Variants in CDH18 observed in about 807,000 individuals in gnomAD.
The protein encoded by CDH18 is cadherin-18.
CDH18 carries 31 observed loss-of-function variants against 67.9 expected under a neutral mutation model. That is an observed-to-expected ratio of 0.46 (90% CI 0.34 to 0.62). The LOEUF is 0.62. Among genes scored for constraint, CDH18 ranks in the 20% least tolerant of loss-of-function variants. The probability of loss-of-function intolerance (pLI) is 0.01; values close to 1 mark genes in which losing one functional copy is unlikely to be tolerated. For synonymous variants in CDH18, 362 were observed against 347.2 expected, an observed-to-expected ratio of 1.04 and a Z score of -0.48; for missense variants, 890 against 975.5, an observed-to-expected ratio of 0.91 and a Z score of 1.17.
At chr5:19,969,032 A>G (rs1797762808) in intron 2 of CDH18, among the ~76,000 whole-genome samples, 1 of 137,364 alleles carries the variant, frequency 7.3e-6, no homozygotes, top group Non-Finnish European at 1.5e-5. Context: ...AAGTGGGCAA[A>G]GGACATGAAC....
chr5:20,077,509 C>T (rs1018120633), intron 2 of CDH18, among the ~76,000 whole-genome samples: 4 of 152,104 alleles, frequency 2.6e-5, no homozygotes, highest in Admixed American at 6.5e-5. Flanking sequence ...TTTTGATTTA[C>T]AGGCTGTGAA....
intron 2 of CDH18, among the ~76,000 whole-genome samples, chr5:19,888,893 T>C (rs531227851): frequency 6.6e-6 from 1 of 152,250 alleles, no homozygotes; most frequent in Non-Finnish European, 1.5e-5. Context: ...CGTTTTTACC[T>C]GGTAAAGGAA....
intron 2 of CDH18, among the ~76,000 whole-genome samples, chr5:20,131,423 T>C (rs1309886642): frequency 2.0e-5 from 3 of 152,000 alleles, no homozygotes; most frequent in Non-Finnish European, 2.9e-5. Flanking sequence ...TATTATACTA[T>C]CAATATTGGT....
chr5:20,267,422 T>A (rs914091353), intron 1 of CDH18, among the ~76,000 whole-genome samples: 17 of 152,200 alleles, frequency 1.1e-4, no homozygotes, highest in Non-Finnish European at 2.4e-4. Context: ...TTGGGCTAAT[T>A]TTTTTATTCC....
intron 6 of CDH18, among the ~76,000 whole-genome samples, chr5:19,604,278 A>G (rs1418814156): frequency 1.3e-5 from 2 of 152,054 alleles, no homozygotes; most frequent in African/African-American, 2.4e-5. Flanking sequence ...CCAAGGCCCT[A>G]TCTTACAAAA....
At chr5:19,608,965 G>A (rs1561459954) in intron 6 of CDH18, among the ~76,000 whole-genome samples, 1 of 151,778 alleles carries the variant, frequency 6.6e-6, no homozygotes, top group Non-Finnish European at 1.5e-5. Flanking sequence ...TAGAAGGTTT[G>A]TTTTGTAAAC....
At chr5:20,318,024 GA>G (rs143741456) in intron 1 of CDH18, among the ~76,000 whole-genome samples, 11,465 of 152,104 alleles carry the variant, frequency 0.075, 674 homozygotes, top group East Asian at 0.29. Context: ...CTGGAGTAAT[GA>G]AAACTATATA....
intron 2 of CDH18, among the ~76,000 whole-genome samples, chr5:20,005,593 C>T (rs923726738): frequency 6.6e-6 from 1 of 151,766 alleles, no homozygotes; most frequent in African/African-American, 2.4e-5. Flanking sequence ...TATACACACA[C>T]ATACATATAC....
chr5:20,484,523 C>A (rs1267821745), intron 1 of CDH18, among the ~76,000 whole-genome samples: 1 of 152,040 alleles, frequency 6.6e-6, no homozygotes, highest in East Asian at 1.9e-4. Flanking sequence ...GATTTGAAGG[C>A]AGCCTATGTG....
intron 2 of CDH18, among the ~76,000 whole-genome samples, chr5:19,910,239 T>C (rs981051587): frequency 2.0e-5 from 3 of 152,214 alleles, no homozygotes; most frequent in Non-Finnish European, 4.4e-5. Flanking sequence ...ATATATATTC[T>C]AGTGAACTAG....
At chr5:20,062,565 A>G (rs1742593937) in intron 2 of CDH18, among the ~76,000 whole-genome samples, 1 of 152,198 alleles carries the variant, frequency 6.6e-6, no homozygotes, top group African/African-American at 2.4e-5. Context: ...GTATTTTATT[A>G]TGCATGATAA....
At chr5:20,443,230 A>T (rs943999938) in intron 1 of CDH18, among the ~76,000 whole-genome samples, 2 of 142,396 alleles carry the variant, frequency 1.4e-5, no homozygotes. Context: ...AAAAAAAAAA[A>T]AGTATATCTT....
At chr5:19,957,366 CAAT>C (rs1483112711) in intron 2 of CDH18, among the ~76,000 whole-genome samples, 1 of 150,640 alleles carries the variant, frequency 6.6e-6, no homozygotes, top group Non-Finnish European at 1.5e-5. Context: ...TTATATACAT[CAAT>C]AATAATATAT....
At chr5:19,912,828 TAGAG>T (rs1390501586) in intron 2 of CDH18, among the ~76,000 whole-genome samples, 1 of 152,040 alleles carries the variant, frequency 6.6e-6, no homozygotes, top group Non-Finnish European at 1.5e-5. Flanking sequence ...AGGGCTTTCT[TAGAG>T]GGAGAAGACA....
At chr5:20,245,966 T>C (rs1483331140) in intron 2 of CDH18, among the ~76,000 whole-genome samples, 1 of 152,194 alleles carries the variant, frequency 6.6e-6, no homozygotes, top group Non-Finnish European at 1.5e-5. Context: ...TGATTATTAT[T>C]GTCCTTGTTT....
chr5:19,670,725 T>G (rs569111451), intron 5 of CDH18, among the ~76,000 whole-genome samples: 1 of 152,182 alleles, frequency 6.6e-6, no homozygotes, highest in Non-Finnish European at 1.5e-5. Flanking sequence ...GAGACCAAGC[T>G]GAACGACAAG....
chr5:20,212,371 G>A (rs1740421611), intron 2 of CDH18, among the ~76,000 whole-genome samples: 1 of 152,134 alleles, frequency 6.6e-6, no homozygotes, highest in Non-Finnish European at 1.5e-5. Flanking sequence ...TGTTATCCAG[G>A]AGAACTTCCC....
At chr5:19,731,233 A>G (rs1039915832) in intron 4 of CDH18, among the ~76,000 whole-genome samples, 1 of 152,122 alleles carries the variant, frequency 6.6e-6, no homozygotes, top group African/African-American at 2.4e-5. Flanking sequence ...GTGGATCACG[A>G]GGTCAGAAGA....
chr5:20,436,678 A>G (rs1346944432), intron 1 of CDH18, among the ~76,000 whole-genome samples: 1 of 151,574 alleles, frequency 6.6e-6, no homozygotes, highest in South Asian at 2.1e-4. Flanking sequence ...GCATACACAT[A>G]TATACATACA....
Sources: allele counts gnomAD v4.1 joint callset (sites outside exome capture counted in the v4.1 genomes callset), GRCh38; gene constraint gnomAD v4.1.1; transcripts MANE v1.5; gene names NCBI Gene and HGNC (gene_info 2026-07-23, HGNC 2026-07-21).